The following PLOD2 variants were observed in gnomAD, a reference collection of about 807,000 sequenced individuals.
PLOD2 encodes procollagen-lysine,2-oxoglutarate 5-dioxygenase 2.
PLOD2 carries 65 observed loss-of-function variants against 101.0 expected under a neutral mutation model. The ratio of observed to expected loss-of-function variants is 0.64; its 90% CI spans 0.53 to 0.79. The LOEUF (loss-of-function observed/expected upper bound fraction) is 0.79, where lower values mean the gene tolerates loss of function less well. PLOD2 is among the 30% of genes least tolerant of loss of function. The pLI, the probability that PLOD2 is intolerant of heterozygous loss-of-function variation, is 0.00. For missense variants in PLOD2, 909 were observed against 914.6 expected, an observed-to-expected ratio of 0.99 and a Z score of 0.08; for synonymous variants, 314 against 302.9, an observed-to-expected ratio of 1.04 and a Z score of -0.38.
chr3:146,074,470 T>C lies in PLOD2; in HGVS notation c.1678-1118A>G, dbSNP rs1459636712. The stretch of plus-strand genomic sequence containing the variant: ...CACTGGTTTTGCATATCTGTTTATA[T>C]GTAACTCAAACATTTTTTATGTGGA... On this transcript the variant is annotated intron_variant, in intron 15 of 19. Transcript: ENST00000282903. 2.0e-5 allele frequency among the ~76,000 whole-genome samples: 3 copies of C among 151,468 alleles called. No homozygotes were observed. In the Admixed American group the frequency reaches 2.0e-4, roughly 10 times the overall value.
intron 2 of PLOD2, 70 bp downstream of exon 2, chr3:146,124,068 A>G: frequency 1.2e-6 from 1 of 815,148 alleles, no homozygotes. Flanking sequence ...TACAGATTGT[A>G]CTGCTGTTAT....
intron 3 of PLOD2, among the ~76,000 whole-genome samples, chr3:146,114,014 G>A (rs1482865783): frequency 6.6e-6 from 1 of 152,112 alleles, no homozygotes; most frequent in African/African-American, 2.4e-5. Context: ...TTACACGGTT[G>A]CAGATAAGGG....
chr3:146,155,399 C>T (rs1402676623), intron 1 of PLOD2, among the ~76,000 whole-genome samples: 1 of 151,894 alleles, frequency 6.6e-6, no homozygotes, highest in African/African-American at 2.4e-5. Flanking sequence ...TTTTTAACTG[C>T]AATCTCAATA....
intron 18 of PLOD2, 29 bp from the exon 19 acceptor site, chr3:146,071,196 T>C: frequency 6.2e-7 from 1 of 1,610,986 alleles, no homozygotes; most frequent in South Asian, 1.1e-5. Flanking sequence ...CCAGTGGATT[T>C]GCTTATTAAT....
At chr3:146,136,157 T>A (rs1247758624) in intron 1 of PLOD2, among the ~76,000 whole-genome samples, 1 of 152,216 alleles carries the variant, frequency 6.6e-6, no homozygotes, top group Non-Finnish European at 1.5e-5. Flanking sequence ...CAGAAATGCC[T>A]TCTACATGTT....
intron 5 of PLOD2, 53 bp downstream of exon 5, chr3:146,106,478 TA>T: frequency 1.2e-6 from 1 of 841,798 alleles, no homozygotes; most frequent in Admixed American, 1.7e-5. Context: ...TAACACAATA[TA>T]ACACACAAAA....
At chr3:146,149,227 ACT>A (rs768915007) in intron 1 of PLOD2, among the ~76,000 whole-genome samples, 107 of 152,218 alleles carry the variant, frequency 7.0e-4, no homozygotes, top group Non-Finnish European at 1.3e-3. Flanking sequence ...ACTGAATAGG[ACT>A]CTTTTTCGAA....
intron 2 of PLOD2, 109 bp downstream of exon 2, chr3:146,124,029 T>C (rs1559861595): frequency 7.1e-6 from 5 of 708,194 alleles, no homozygotes; most frequent in East Asian, 5.3e-5. Flanking sequence ...AGTAATTATG[T>C]AACCAAATGC....
At chr3:146,159,072 T>C (rs969694988) in intron 1 of PLOD2, among the ~76,000 whole-genome samples, 10 of 152,196 alleles carry the variant, frequency 6.6e-5, no homozygotes, top group Non-Finnish European at 1.2e-4. Flanking sequence ...GTTTATCACA[T>C]AACCTATGAG....
At chr3:146,122,949 G>A (rs1272573755) in intron 2 of PLOD2, among the ~76,000 whole-genome samples, 1 of 151,992 alleles carries the variant, frequency 6.6e-6, no homozygotes, top group Non-Finnish European at 1.5e-5. Flanking sequence ...TATTTCCACA[G>A]TGTCTCCTAT....
chr3:146,117,426 A>G (rs1218271021), intron 3 of PLOD2, among the ~76,000 whole-genome samples: 1 of 152,122 alleles, frequency 6.6e-6, no homozygotes, highest in Admixed American at 6.6e-5. Flanking sequence ...CCTAGATTAC[A>G]ATTTTCAACT....
chr3:146,123,055 A>G (rs1036007389), intron 2 of PLOD2, among the ~76,000 whole-genome samples: 5 of 151,928 alleles, frequency 3.3e-5, no homozygotes, highest in African/African-American at 1.2e-4. Flanking sequence ...TTACCACTAC[A>G]TCTCTTTTTC....
At chr3:146,083,157 A>G (rs1485953677) in intron 11 of PLOD2, among the ~76,000 whole-genome samples, 1 of 152,226 alleles carries the variant, frequency 6.6e-6, no homozygotes, top group Non-Finnish European at 1.5e-5. Context: ...TAAACCAACA[A>G]ATTTGGGAAA....
intron 1 of PLOD2, among the ~76,000 whole-genome samples, chr3:146,133,660 T>C (rs1424166312): frequency 1.3e-5 from 2 of 152,170 alleles, no homozygotes; most frequent in African/African-American, 2.4e-5. Context: ...CCAAGGACTA[T>C]ACACTGAGTT....
chr3:146,079,426 C>T (rs1345837682), intron 12 of PLOD2, among the ~76,000 whole-genome samples, 169 bp from the exon 13 acceptor site: 1 of 151,848 alleles, frequency 6.6e-6, no homozygotes, highest in Non-Finnish European at 1.5e-5. Context: ...ATTGTATACA[C>T]TATATTTAAT....
chr3:146,158,512 C>G (rs142127882), intron 1 of PLOD2, among the ~76,000 whole-genome samples: 9 of 152,262 alleles, frequency 5.9e-5, no homozygotes, highest in African/African-American at 1.9e-4. Context: ...AGTGGGTAAA[C>G]TGAAAATCAC....
chr3:146,150,632 T>C (rs1481538129), intron 1 of PLOD2, among the ~76,000 whole-genome samples: 1 of 152,148 alleles, frequency 6.6e-6, no homozygotes, highest in Non-Finnish European at 1.5e-5. Flanking sequence ...AGTACTGGGC[T>C]TAATACCTGG....
chr3:146,104,760 C>T (rs1937508647), intron 5 of PLOD2, among the ~76,000 whole-genome samples: 1 of 152,178 alleles, frequency 6.6e-6, no homozygotes, highest in Non-Finnish European at 1.5e-5. Context: ...TGGAAGACTG[C>T]TTATTGTACC....
Position 146,069,827 on chromosome 3 carries a change from TA to T in PLOD2, c.*889del, listed in dbSNP as rs1936057791. 6.6e-6 allele frequency: 1 copy of T among 152,198 alleles called. No individual in the cohort carries two copies. Among genetic ancestry groups the T allele is most frequent in the African/African-American group, 2.4e-5 (1 of 41,410 alleles). 9.4% of individuals were successfully genotyped at this position (152,198 alleles called of 1,614,324 possible). ...AAATTCAAGTACTTAAAAAGTTTTT[TA>T]AAAAATAATTAAATGCACTACTCAT... is the stretch of plus-strand genomic sequence containing the variant. On this transcript the variant is annotated 3_prime_UTR_variant, in exon 20 of 20. Coordinates refer to ENST00000282903, the MANE Select transcript of PLOD2 (RefSeq NM_182943.3).
Sources: allele counts gnomAD v4.1 joint callset (sites outside exome capture counted in the v4.1 genomes callset), GRCh38; gene constraint gnomAD v4.1.1; transcripts MANE v1.5; gene names NCBI Gene and HGNC (gene_info 2026-07-23, HGNC 2026-07-21).